The following RBFOX3 variants were observed in gnomAD, a reference collection of about 807,000 sequenced individuals.
The protein encoded by RBFOX3 is RNA binding protein fox-1 homolog 3.
A neutral mutation model predicts 48.7 loss-of-function variants in RBFOX3; 17 were observed. The observed-to-expected ratio is 0.35, with a 90% CI of 0.24 to 0.52. RBFOX3 has a LOEUF of 0.52. RBFOX3 is among the 20% of genes least tolerant of loss of function. The pLI is 0.94. For missense variants in RBFOX3, 382 were observed against 497.5 expected (o/e 0.77, Z 2.21); for synonymous variants, 212 against 209.5 (o/e 1.01, Z -0.10).
chr17:79,286,581 T>G (rs969806915), intron 3 of RBFOX3, among the ~76,000 whole-genome samples: 2 of 152,226 alleles, frequency 1.3e-5, no homozygotes, highest in African/African-American at 2.4e-5. Flanking sequence ...TCCTGATATG[T>G]GACAGAGCTT....
chr17:79,513,045 C>T (rs1027019557), intron 1 of RBFOX3, among the ~76,000 whole-genome samples: 553 of 150,578 alleles, frequency 3.7e-3, no homozygotes, highest in Non-Finnish European at 6.9e-3. Context: ...CCATCGGGTA[C>T]GGCCCCATGG....
chr17:79,127,309 T>C (rs1460181524), intron 4 of RBFOX3, among the ~76,000 whole-genome samples: 2 of 152,034 alleles, frequency 1.3e-5, no homozygotes, highest in Non-Finnish European at 2.9e-5. Context: ...GAGTGGGTAG[T>C]TTCCACGAGC....
At chr17:79,183,084 C>T (rs1240605321) in intron 4 of RBFOX3, among the ~76,000 whole-genome samples, 1 of 148,470 alleles carries the variant, frequency 6.7e-6, no homozygotes, top group Admixed American at 6.7e-5. Context: ...CCCCCGCGCT[C>T]GGCCGCCGCG....
At chr17:79,351,221 C>G (rs909142668) in intron 2 of RBFOX3, among the ~76,000 whole-genome samples, 3 of 152,206 alleles carry the variant, frequency 2.0e-5, no homozygotes, top group Admixed American at 6.5e-5. Flanking sequence ...GCTATGAACA[C>G]CAGCACAAGA....
Position 79,090,285 on chromosome 17 carries a change from T to G in RBFOX3, c.*598A>C, listed in dbSNP as rs2073644827. The G allele has an allele frequency of 6.6e-6, 1 of 152,344 alleles. No homozygotes were observed. Among genetic ancestry groups the G allele is most frequent in the Admixed American group, 6.5e-5 (1 of 15,284 alleles). The allele number at this position is 152,344 out of a possible 1,614,324, so 9.4% of individuals were successfully genotyped here. ...CTGTTGGACGGCTTCCTCGCCAGGC[T>G]GGGGGCACGGGCGGGACTGCCGGGC... On this transcript the variant is annotated 3_prime_UTR_variant, in exon 15 of 15. Coordinates refer to ENST00000693108, the MANE Select transcript of RBFOX3 (RefSeq NM_001350451.2).
chr17:79,569,472 A>C (rs927978443), intron 1 of RBFOX3, among the ~76,000 whole-genome samples: 3 of 152,060 alleles, frequency 2.0e-5, no homozygotes, highest in Non-Finnish European at 2.9e-5. Flanking sequence ...TTGTTTGCCC[A>C]CTCACCTGTT....
At position 79,152,222 on chromosome 17, in the gene RBFOX3, TC is replaced by T. The variant is rs555972567; in HGVS notation, c.-33-36475del. 8.5e-5 allele frequency among the ~76,000 whole-genome samples: 13 copies of T among 152,194 alleles called. No individual in the cohort carries two copies. In the East Asian group the frequency reaches 2.5e-3, roughly 29 times the overall value. ...TGTCCCTGCAGGGTCTCAAGCCATG[TC>T]CAAGCCCAGCTGCTCTCTAGCACCT... is the stretch of plus-strand genomic sequence containing the variant. On this transcript the variant is annotated intron_variant, in intron 4 of 14. Transcript: ENST00000693108.
chr17:79,620,571 GTGCA>G, the RBFOX3 span, among the ~76,000 whole-genome samples: 1 of 93,986 alleles, frequency 1.1e-5, no homozygotes, highest in African/African-American at 3.9e-5. Context: ...ACACCCGCGC[GTGCA>G]CACACGCACG....
At chr17:79,387,063 A>G (rs928107248) in intron 2 of RBFOX3, among the ~76,000 whole-genome samples, 8 of 152,210 alleles carry the variant, frequency 5.3e-5, no homozygotes, top group African/African-American at 1.9e-4. Context: ...CTAGTACTGA[A>G]CAGGGACAGG....
chr17:79,351,433 T>G (rs1032570913), intron 2 of RBFOX3, among the ~76,000 whole-genome samples: 1 of 152,210 alleles, frequency 6.6e-6, no homozygotes, highest in African/African-American at 2.4e-5. Flanking sequence ...TTTTTTAAGA[T>G]GGAGTCTCAC....
At chr17:79,166,829 C>T (rs1409227700) in intron 4 of RBFOX3, among the ~76,000 whole-genome samples, 8 of 152,190 alleles carry the variant, frequency 5.3e-5, no homozygotes, top group Admixed American at 2.6e-4. Flanking sequence ...AATTCAAAAA[C>T]GGGTTTCTGG....
At chr17:79,577,401 C>T (rs896274184) in intron 1 of RBFOX3, among the ~76,000 whole-genome samples, 458 of 152,216 alleles carry the variant, frequency 3.0e-3, no homozygotes, top group Admixed American at 4.4e-3. Context: ...TTCACACGCA[C>T]GGGCAGACTC....
chr17:79,170,471 C>T (rs549968497), intron 4 of RBFOX3, among the ~76,000 whole-genome samples: 2 of 152,182 alleles, frequency 1.3e-5, no homozygotes, highest in East Asian at 3.9e-4. Context: ...CCTGGGGGCT[C>T]TTGAGGGCTG....
At chr17:79,319,426 T>A (rs966175535) in intron 2 of RBFOX3, among the ~76,000 whole-genome samples, 1 of 152,194 alleles carries the variant, frequency 6.6e-6, no homozygotes, top group Non-Finnish European at 1.5e-5. Flanking sequence ...GCCGGAGTGG[T>A]GATGACCCAG....
intron 4 of RBFOX3, among the ~76,000 whole-genome samples, chr17:79,224,789 C>T (rs889144623): frequency 6.6e-6 from 1 of 152,168 alleles, no homozygotes; most frequent in African/African-American, 2.4e-5. Flanking sequence ...TCAGTGACAG[C>T]CCCTGAGTCT....
At position 79,579,272 on chromosome 17, in the gene RBFOX3, CTGGCTCTGCTGCCGGG is replaced by C. The variant is rs1300959743; in HGVS notation, c.-320+31538_-320+31553del. On this transcript the variant is annotated intron_variant, in intron 1 of 14. Transcript: ENST00000693108. ...ATGCATGCTGCGGTTGACACGGGTG[CTGGCTCTGCTGCCGGG>C]TGCTGGCTCTGCTGCCGGCCGCTGG... Among the ~76,000 whole-genome samples, 38 of 135,464 alleles carry C rather than the reference CTGGCTCTGCTGCCGGG, an allele frequency of 2.8e-4. No individual in the cohort carries two copies. In the East Asian group the frequency reaches 6.7e-3, roughly 24 times the overall value. The allele number at this position is 135,464 out of a possible 152,430, so 88.9% of individuals were successfully genotyped here. A position where few individuals can be genotyped will look rare whatever the true frequency, so the allele number is the denominator to read the frequency against.
At chr17:79,426,335 G>A (rs544284637) in intron 2 of RBFOX3, among the ~76,000 whole-genome samples, 54 of 152,278 alleles carry the variant, frequency 3.5e-4, no homozygotes, top group African/African-American at 1.1e-3. Context: ...TCGTGAATGC[G>A]CCATGTCTTT....
chr17:79,511,179 T>C (rs1555780957), intron 1 of RBFOX3, among the ~76,000 whole-genome samples: 1 of 152,106 alleles, frequency 6.6e-6, no homozygotes, highest in Non-Finnish European at 1.5e-5. Context: ...TGTGTCCTCC[T>C]GAGGGTCAGG....
chr17:79,358,338 C>T (rs539877163), intron 2 of RBFOX3, among the ~76,000 whole-genome samples: 3 of 152,320 alleles, frequency 2.0e-5, no homozygotes, highest in Non-Finnish European at 2.9e-5. Context: ...CCAGCACTGG[C>T]GAGGATGCTC....
Sources: gnomAD v4.1 joint callset for allele counts (sites outside exome capture counted in the v4.1 genomes callset) on GRCh38, gnomAD v4.1.1 for gene constraint, MANE v1.5 for transcripts, NCBI Gene and HGNC (gene_info 2026-07-23, HGNC 2026-07-21) for gene names.